The following NBEAL1 variants were observed in gnomAD, a reference collection of about 807,000 sequenced individuals.
NBEAL1 encodes neurobeachin-like protein 1.
A neutral mutation model predicts 351.3 loss-of-function variants in NBEAL1; 273 were observed. The observed-to-expected ratio is 0.78, with a 90% confidence interval of 0.70 to 0.86. The LOEUF (loss-of-function observed/expected upper bound fraction) is 0.86, where lower values mean the gene tolerates loss of function less well. NBEAL1 is among the 40% of genes least tolerant of loss of function. The pLI is 0.00. For missense variants in NBEAL1, 2,961 were observed against 3,201.3 expected (o/e 0.92, Z 1.81); for synonymous variants, 1,050 against 1,086.4 (o/e 0.97, Z 0.66).
intron 12 of NBEAL1, among the ~76,000 whole-genome samples, chr2:203,102,343 T>C (rs2106217187): frequency 6.6e-6 from 1 of 152,344 alleles, no homozygotes; most frequent in Admixed American, 6.5e-5. Context: ...CTTCCTGTAC[T>C]GTGTTGAATG....
At chr2:203,123,108 A>G (rs1394179526) in intron 19 of NBEAL1, among the ~76,000 whole-genome samples, 2 of 147,478 alleles carry the variant, frequency 1.4e-5, no homozygotes, top group Non-Finnish European at 3.0e-5. Context: ...ATAAAAGATA[A>G]TTATAAGAAG....
chr2:203,097,356 A>AATTAG (rs1279531848), intron 10 of NBEAL1, among the ~76,000 whole-genome samples, 191 bp from the exon 11 acceptor site: 5 of 152,216 alleles, frequency 3.3e-5, no homozygotes, highest in African/African-American at 1.2e-4. Context: ...CCAAGAGAGA[A>AATTAG]ATATCTAAAC....
Position 203,057,816 on chromosome 2 carries a change from T to C in NBEAL1, c.515+363T>C, listed in dbSNP as rs1377505539. On this transcript the variant is annotated intron_variant, in intron 6 of 55. Transcript: ENST00000683969. ...CTAGCAGTATTTTGTCCATTTTTTT[T>C]CTTTTTTCTTTTTTTTTTTTTTGTT... Among the ~76,000 whole-genome samples the C allele has an allele frequency of 3.3e-5, 5 of 151,700 alleles. No individual in the cohort carries two copies. In the East Asian group the frequency reaches 7.7e-4, roughly 23 times the overall value.
intron 33 of NBEAL1, among the ~76,000 whole-genome samples, chr2:203,148,102 TAA>T (rs892888120): frequency 9.9e-5 from 15 of 152,042 alleles, no homozygotes; most frequent in African/African-American, 3.6e-4. Flanking sequence ...GATTTCCTAC[TAA>T]GTCTAATAAT....
rs879546697 is a variant in NBEAL1 at position 203,115,130 on chromosome 2, C to CT, written c.2507-840dup. 7.8e-3 allele frequency among the ~76,000 whole-genome samples: 1,043 copies of CT among 132,894 alleles called. 8 individuals carry two copies. Among genetic ancestry groups the CT allele is most frequent in the South Asian group, 0.021 (89 of 4,152 alleles). 87.2% of individuals were successfully genotyped at this position (132,894 alleles called of 152,430 possible). On this transcript the variant is annotated intron_variant, in intron 17 of 55. Coordinates refer to ENST00000683969, the MANE Select transcript of NBEAL1 (RefSeq NM_001378026.1). ...TACTTAGGTTGTTTATAATTTCTTTCTTTTTTTTTTTTTTTGGACAGAGTT... is the reference window on the plus strand; with the variant it reads ...TACTTAGGTTGTTTATAATTTCTTTCTTTTTTTTTTTTTTTTGGACAGAGTT...
At chr2:203,205,378 A>G (rs2065524461) in intron 51 of NBEAL1, among the ~76,000 whole-genome samples, 1 of 152,180 alleles carries the variant, frequency 6.6e-6, no homozygotes, top group African/African-American at 2.4e-5. Flanking sequence ...TTTTCTGAGA[A>G]CAAAGACAAT....
At chr2:203,180,716 T>A (rs186209626) in intron 43 of NBEAL1, among the ~76,000 whole-genome samples, 1 of 152,206 alleles carries the variant, frequency 6.6e-6, no homozygotes, top group Admixed American at 6.5e-5. Context: ...GGAGTCAAAT[T>A]TGAATCAGTA....
Position 203,224,497 on chromosome 2 carries a change from TG to T in NBEAL1, c.*7144del, listed in dbSNP as rs1238749961. Among the ~76,000 whole-genome samples the T allele has an allele frequency of 2.0e-5, 3 of 152,182 alleles. No individual in the cohort carries two copies. The highest frequency in any genetic ancestry group is 6.5e-5 in the Admixed American group (1 of 15,270). On this transcript the variant is annotated 3_prime_UTR_variant, in exon 56 of 56. Coordinates refer to ENST00000683969, the MANE Select transcript of NBEAL1 (RefSeq NM_001378026.1). ...TGAAACATATTTAATTCATCTCTTT[TG>T]TCAGTTTTTCTGGGACTCCAATAGC...
At chr2:203,151,812 T>A (rs747355471) in intron 35 of NBEAL1, among the ~76,000 whole-genome samples, 112 of 152,204 alleles carry the variant, frequency 7.4e-4, no homozygotes, top group African/African-American at 1.2e-3. Flanking sequence ...GAAAAAAAAA[T>A]TTTAATTATA....
intron 10 of NBEAL1, among the ~76,000 whole-genome samples, chr2:203,090,814 C>T (rs888959406): frequency 1.3e-5 from 2 of 151,812 alleles, no homozygotes; most frequent in Non-Finnish European, 2.9e-5. Context: ...GCTTGAACCC[C>T]GGAGGCGGAG....
At position 203,097,536 on chromosome 2, in the gene NBEAL1, G is replaced by T; in HGVS notation, c.1099-11G>T. On this transcript the variant is annotated splice_polypyrimidine_tract_variant and intron_variant, in intron 10 of 55. Coordinates refer to ENST00000683969, the MANE Select transcript of NBEAL1 (RefSeq NM_001378026.1). ...TTCTTTCTCCATTATTCTTGTCTCT[G>T]TTTTTAACAGCTATTTTTAAATGCT... 1 of 977,518 alleles carries T rather than the reference G, an allele frequency of 1.0e-6. No individual in the cohort carries two copies. The highest frequency in any genetic ancestry group is 1.2e-6 in the Non-Finnish European group (1 of 822,386). The allele number at this position is 977,518 out of a possible 1,614,324, so 60.6% of individuals were successfully genotyped here.
intron 4 of NBEAL1, among the ~76,000 whole-genome samples, chr2:203,054,407 C>G (rs548917241): frequency 1.3e-5 from 2 of 148,546 alleles, no homozygotes; most frequent in Non-Finnish European, 3.0e-5. Context: ...GCCTGGGTGA[C>G]AGAGCAAGAC....
chr2:203,137,793 A>G (rs924337438), intron 29 of NBEAL1, among the ~76,000 whole-genome samples: 2 of 151,850 alleles, frequency 1.3e-5, no homozygotes, highest in Admixed American at 1.3e-4. Flanking sequence ...AGACCAGCCT[A>G]TCCAACATGG....
In NBEAL1 at chr2:203,172,032, T is replaced by C. The variant is rs778332880; in HGVS notation, c.6198+9T>C. 5 of 1,524,752 alleles carry C rather than the reference T, an allele frequency of 3.3e-6. No homozygotes were observed. The South Asian group carries it at 6.2e-5, about 19-fold the overall frequency. The allele number at this position is 1,524,752 out of a possible 1,614,324, so 94.5% of individuals were successfully genotyped here. A position where few individuals can be genotyped will look rare whatever the true frequency, so the allele number is the denominator to read the frequency against. On this transcript the variant is annotated intron_variant, in intron 40 of 55. Coordinates refer to ENST00000683969, the MANE Select transcript of NBEAL1 (RefSeq NM_001378026.1). ...TTGCACAGTATCCTGTGGTAAGTTT[T>C]GCATAAACCTTATAAATGTGGAATT... is the stretch of plus-strand genomic sequence containing the variant.
chr2:203,197,089 TGAATA>T (rs1559057037), intron 47 of NBEAL1, among the ~76,000 whole-genome samples: 2 of 152,214 alleles, frequency 1.3e-5, no homozygotes, highest in African/African-American at 2.4e-5. Flanking sequence ...GCAGAATAGT[TGAATA>T]GAAGGTGATG....
chr2:203,090,818 G>A (rs975133196), intron 10 of NBEAL1, among the ~76,000 whole-genome samples: 5 of 152,110 alleles, frequency 3.3e-5, no homozygotes, highest in Non-Finnish European at 4.4e-5. Flanking sequence ...GAACCCCGGA[G>A]GCGGAGGTTG....
chr2:203,152,963 G>A (rs575847712), intron 35 of NBEAL1, among the ~76,000 whole-genome samples: 5 of 151,928 alleles, frequency 3.3e-5, no homozygotes, highest in Admixed American at 6.6e-5. Flanking sequence ...ACTTGAACCC[G>A]AGAGGCAGAG....
chr2:203,187,880 C>G (rs1185742791), intron 44 of NBEAL1, among the ~76,000 whole-genome samples: 1 of 152,120 alleles, frequency 6.6e-6, no homozygotes, highest in East Asian at 1.9e-4. Flanking sequence ...TTCATGAGTT[C>G]ATTCTTTCTT....
chr2:203,122,646 G>A (rs575182492), intron 19 of NBEAL1, among the ~76,000 whole-genome samples: 2 of 152,320 alleles, frequency 1.3e-5, no homozygotes, highest in South Asian at 4.1e-4. Flanking sequence ...TGTGGAGTTT[G>A]AATGTTTTTG....
Sources: gnomAD v4.1 joint callset for allele counts (sites outside exome capture counted in the v4.1 genomes callset) on GRCh38, gnomAD v4.1.1 for gene constraint, MANE v1.5 for transcripts, NCBI Gene and HGNC (gene_info 2026-07-23, HGNC 2026-07-21) for gene names.